CNTNAP2: variants seen among roughly 807,000 people sequenced by gnomAD.
CNTNAP2 encodes the protein contactin-associated protein-like 2.
A neutral mutation model predicts 155.2 loss-of-function variants in CNTNAP2; 98 were observed. The ratio of observed to expected loss-of-function variants is 0.63; its 90% CI spans 0.54 to 0.75. The LOEUF is 0.75. Among genes scored for constraint, CNTNAP2 ranks in the 30% least tolerant of loss-of-function variants. The pLI, the probability that CNTNAP2 is intolerant of heterozygous loss-of-function variation, is 0.00. For synonymous variants in CNTNAP2, 651 were observed against 631.2 expected (o/e 1.03, Z -0.47); for missense variants, 1,727 against 1,688.1 (o/e 1.02, Z -0.40).
intron 1 of CNTNAP2, among the ~76,000 whole-genome samples, chr7:146,242,828 A>G (rs1383566031): frequency 6.6e-6 from 1 of 152,212 alleles, no homozygotes; most frequent in Non-Finnish European, 1.5e-5. Context: ...TAACTACATT[A>G]TAGAATGATA....
At chr7:146,389,015 C>T (rs1321593238) in intron 1 of CNTNAP2, among the ~76,000 whole-genome samples, 1 of 152,020 alleles carries the variant, frequency 6.6e-6, no homozygotes, top group East Asian at 1.9e-4. Context: ...GCTTTCCAAA[C>T]AAATTAATAG....
intron 1 of CNTNAP2, among the ~76,000 whole-genome samples, chr7:146,711,180 G>T (rs1038547696): frequency 6.7e-6 from 1 of 149,688 alleles, no homozygotes; most frequent in Non-Finnish European, 1.5e-5. Context: ...GGCAGAATTT[G>T]CACACATATG....
chr7:147,226,283 C>G (rs757665058), intron 8 of CNTNAP2, among the ~76,000 whole-genome samples: 1 of 152,144 alleles, frequency 6.6e-6, no homozygotes, highest in Non-Finnish European at 1.5e-5. Flanking sequence ...GCAATATGAT[C>G]GAGGTCTTTA....
intron 3 of CNTNAP2, among the ~76,000 whole-genome samples, chr7:146,875,948 A>AC (rs1562983036): frequency 3.6e-5 from 5 of 140,388 alleles, no homozygotes; most frequent in African/African-American, 1.1e-4. Context: ...AAAAAAAAAA[A>AC]AAAAAAAAAA....
At chr7:148,387,126 G>A (rs1799228963) in intron 22 of CNTNAP2, among the ~76,000 whole-genome samples, 1 of 151,466 alleles carries the variant, frequency 6.6e-6, no homozygotes, top group African/African-American at 2.4e-5. Context: ...AGAAGTCTCT[G>A]CTTTTTGTCA....
At chr7:147,279,122 CAT>C (rs1220163176) in intron 8 of CNTNAP2, among the ~76,000 whole-genome samples, 2 of 151,556 alleles carry the variant, frequency 1.3e-5, no homozygotes, top group South Asian at 4.1e-4. Flanking sequence ...TACATTTTGA[CAT>C]GTTATAATCT....
intron 8 of CNTNAP2, among the ~76,000 whole-genome samples, chr7:147,284,871 T>A (rs1805141172): frequency 6.6e-6 from 1 of 151,794 alleles, no homozygotes; most frequent in Non-Finnish European, 1.5e-5. Flanking sequence ...ATTAATGGTT[T>A]AATTGGAGGA....
At chr7:147,732,305 G>T (rs1445606404) in intron 13 of CNTNAP2, among the ~76,000 whole-genome samples, 2 of 149,930 alleles carry the variant, frequency 1.3e-5, no homozygotes, top group African/African-American at 4.9e-5. Context: ...TTCTGTCATT[G>T]CGATAGTTTG....
At chr7:147,460,755 A>T (rs928896887) in intron 10 of CNTNAP2, among the ~76,000 whole-genome samples, 2 of 152,190 alleles carry the variant, frequency 1.3e-5, no homozygotes, top group African/African-American at 4.8e-5. Flanking sequence ...CTGAGTATTC[A>T]CATGTGTGGA....
intron 3 of CNTNAP2, among the ~76,000 whole-genome samples, chr7:146,913,252 C>T (rs1265252176): frequency 2.0e-5 from 3 of 152,084 alleles, no homozygotes; most frequent in African/African-American, 7.2e-5. Context: ...TGCATGGTAT[C>T]TGTAAGAGAG....
intron 15 of CNTNAP2, among the ~76,000 whole-genome samples, chr7:148,046,447 TG>T (rs1298894640): frequency 6.6e-6 from 1 of 152,162 alleles, no homozygotes; most frequent in Non-Finnish European, 1.5e-5. Flanking sequence ...AACATTCACA[TG>T]GGTGTAATTT....
At chr7:146,912,380 G>T (rs1365315094) in intron 3 of CNTNAP2, among the ~76,000 whole-genome samples, 1 of 151,306 alleles carries the variant, frequency 6.6e-6, no homozygotes, top group African/African-American at 2.4e-5. Context: ...ATCTATCAGT[G>T]TTTACATATA....
chr7:146,855,002 C>T (rs1053788930), intron 3 of CNTNAP2, among the ~76,000 whole-genome samples: 1 of 151,540 alleles, frequency 6.6e-6, no homozygotes, highest in Non-Finnish European at 1.5e-5. Context: ...TAATATCTAC[C>T]AATTAAAATT....
intron 4 of CNTNAP2, among the ~76,000 whole-genome samples, chr7:147,048,714 T>C (rs956038395): frequency 2.6e-5 from 4 of 152,200 alleles, no homozygotes; most frequent in Admixed American, 6.5e-5. Context: ...TAATTTTTAA[T>C]TCATTTAAAT....
chr7:147,957,280 T>C (rs1801032334), intron 14 of CNTNAP2, among the ~76,000 whole-genome samples: 1 of 152,166 alleles, frequency 6.6e-6, no homozygotes, highest in African/African-American at 2.4e-5. Flanking sequence ...TTTGTTTGTT[T>C]GTTTGTTTCT....
intron 1 of CNTNAP2, among the ~76,000 whole-genome samples, chr7:146,426,234 A>C: frequency 1.3e-5 from 2 of 149,488 alleles, no homozygotes; most frequent in African/African-American, 2.5e-5. Flanking sequence ...AACTGAGACA[A>C]GGTGTCATTA....
chr7:146,435,465 T>A (rs1190521707), intron 1 of CNTNAP2, among the ~76,000 whole-genome samples: 1 of 152,102 alleles, frequency 6.6e-6, no homozygotes, highest in African/African-American at 2.4e-5. Flanking sequence ...AAGCGTAGAG[T>A]TTGTACGAAC....
At chr7:146,905,842 G>A (rs1452850433) in intron 3 of CNTNAP2, among the ~76,000 whole-genome samples, 1 of 152,228 alleles carries the variant, frequency 6.6e-6, no homozygotes, top group African/African-American at 2.4e-5. Context: ...CTCCCAGCGT[G>A]AGCGATGCAG....
chr7:146,948,695 CTT>C (rs1216598115), intron 3 of CNTNAP2, among the ~76,000 whole-genome samples: 1 of 152,128 alleles, frequency 6.6e-6, no homozygotes, highest in East Asian at 1.9e-4. Context: ...GAAGACAACT[CTT>C]TGGATGAGGT....
Sources: gnomAD v4.1 joint callset for allele counts (sites outside exome capture counted in the v4.1 genomes callset) on GRCh38, gnomAD v4.1.1 for gene constraint, MANE v1.5 for transcripts, NCBI Gene and HGNC (gene_info 2026-07-23, HGNC 2026-07-21) for gene names.